The following TEX11 variants were observed in gnomAD, a reference collection of about 807,000 sequenced individuals.
TEX11 encodes testis expressed 11, also known as testis-expressed protein 11.
Under a neutral mutation model 84.4 loss-of-function variants are expected in TEX11, and 7 were observed. The observed-to-expected ratio is 0.08, with a 90% CI of 0.05 to 0.16. The LOEUF (loss-of-function observed/expected upper bound fraction) is 0.16, where lower values mean the gene tolerates loss of function less well. Ranked by LOEUF, TEX11 falls within the 10% of genes least tolerant of loss-of-function variation. The pLI is 1.00. For missense variants in TEX11, 551 were observed against 660.5 expected, an observed-to-expected ratio of 0.83 and a Z score of 1.82; for synonymous variants, 264 against 222.8, an observed-to-expected ratio of 1.18 and a Z score of -1.64.
At chrX:70,593,144 A>G (rs762273512) in intron 24 of TEX11, among the ~76,000 whole-genome samples, 16 of 110,288 alleles carry the variant, frequency 1.5e-4, no homozygotes, top group Non-Finnish European at 2.8e-4. Context: ...CAAGACTAAC[A>G]GCTGGATGTG....
At chrX:70,757,363 G>A (rs1419257727) in intron 9 of TEX11, among the ~76,000 whole-genome samples, 1 of 111,410 alleles carries the variant, frequency 9.0e-6, no homozygotes, top group Non-Finnish European at 1.9e-5. Context: ...ATTAAGGGCA[G>A]CCAGAAAGAA....
chrX:70,516,292 T>A, the TEX11 span, among the ~76,000 whole-genome samples: 1 of 112,153 alleles, frequency 8.9e-6, no homozygotes, highest in African/African-American at 3.2e-5. Context: ...TTGAATTAAT[T>A]TTATATAAGG....
intron 9 of TEX11, among the ~76,000 whole-genome samples, chrX:70,781,212 A>G (rs886447534): frequency 1.8e-5 from 2 of 112,085 alleles, no homozygotes; most frequent in Admixed American, 1.9e-4. Flanking sequence ...ACAGACCTGC[A>G]GCTGAGGGAC....
intron 25 of TEX11, among the ~76,000 whole-genome samples, chrX:70,561,751 T>C (rs913454893): frequency 1.8e-5 from 2 of 111,915 alleles, no homozygotes; most frequent in African/African-American, 6.5e-5. Flanking sequence ...TATATGCATG[T>C]CTATTTGCAT....
intron 13 of TEX11, among the ~76,000 whole-genome samples, chrX:70,699,347 C>G (rs1234733572): frequency 9.0e-6 from 1 of 111,526 alleles, no homozygotes; most frequent in Non-Finnish European, 1.9e-5. Context: ...CCCACAGCAC[C>G]ATGAGATAAT....
chrX:70,759,646 C>G (rs1368136439), intron 9 of TEX11, among the ~76,000 whole-genome samples: 1 of 111,652 alleles, frequency 9.0e-6, no homozygotes, highest in Non-Finnish European at 1.9e-5. Context: ...GACGAACCCA[C>G]AGCCAATATC....
chrX:70,629,870 G>T, intron 17 of TEX11, 135 bp from the exon 18 acceptor site: 1 of 520,398 alleles, frequency 1.9e-6, no homozygotes, highest in Non-Finnish European at 2.9e-6. Flanking sequence ...ATAAAGTAAT[G>T]TGAGTTGCTA....
intron 4 of TEX11, among the ~76,000 whole-genome samples, chrX:70,863,498 A>C (rs979654067): frequency 1.3e-4 from 15 of 111,580 alleles, no homozygotes; most frequent in Admixed American, 2.9e-4. Flanking sequence ...CTCTTAGAAG[A>C]AAAACTAACA....
At chrX:70,669,457 AG>A (rs1156338936) in intron 16 of TEX11, among the ~76,000 whole-genome samples, 15 of 112,620 alleles carry the variant, frequency 1.3e-4, no homozygotes, top group African/African-American at 4.8e-4. Flanking sequence ...CTTAAACTGT[AG>A]GTAACTATTT....
intron 9 of TEX11, among the ~76,000 whole-genome samples, chrX:70,799,429 T>C (rs968545130): frequency 3.3e-4 from 37 of 112,212 alleles, no homozygotes; most frequent in Middle Eastern, 4.6e-3. Context: ...TGAAGGACAC[T>C]GGTGAAGCTT....
chrX:70,675,854 TC>T (rs1371077421), intron 15 of TEX11, among the ~76,000 whole-genome samples: 3 of 111,576 alleles, frequency 2.7e-5, no homozygotes, highest in African/African-American at 9.8e-5. Flanking sequence ...GGTCTCGAAC[TC>T]CTGACCTTAA....
At chrX:70,877,015 C>T (rs752693320) in intron 3 of TEX11, among the ~76,000 whole-genome samples, 13 of 111,644 alleles carry the variant, frequency 1.2e-4, no homozygotes, top group Non-Finnish European at 2.3e-4. Flanking sequence ...GATTTACCAC[C>T]GGGCACAGTG....
chrX:70,744,125 T>C lies in TEX11; in HGVS notation c.747+40A>G, dbSNP rs1043342545. The C allele has an allele frequency of 1.2e-5, 11 of 880,509 alleles. 1 individual carries two copies. The highest frequency in any genetic ancestry group is 1.0e-4 in the African/African-American group (5 of 47,706). The allele number at this position is 880,509 out of a possible 1,213,427, so 72.6% of individuals were successfully genotyped here. A position where few individuals can be genotyped will look rare whatever the true frequency, so the allele number is the denominator to read the frequency against. The stretch of plus-strand genomic sequence containing the variant: ...TTTTATAACAATAAAATAAAGCAGG[T>C]TATTCAACCTATTTCTACAATATTT... On this transcript the variant is annotated intron_variant, in intron 10 of 29. Transcript: ENST00000374333.
intron 8 of TEX11, among the ~76,000 whole-genome samples, chrX:70,825,627 A>G (rs368894509): frequency 1.8e-5 from 2 of 112,058 alleles, no homozygotes; most frequent in East Asian, 5.6e-4. Flanking sequence ...ACATTCTTAA[A>G]GGATCTTTTT....
At chrX:70,908,034 T>C (rs1283936944) in intron 1 of TEX11, among the ~76,000 whole-genome samples, 1 of 111,171 alleles carries the variant, frequency 9.0e-6, no homozygotes, top group Non-Finnish European at 1.9e-5. Context: ...ACGGGGGAAA[T>C]GGAGCTGAGT....
intron 2 of TEX11, among the ~76,000 whole-genome samples, chrX:70,884,975 C>T (rs966960483): frequency 1.8e-5 from 2 of 111,475 alleles, no homozygotes; most frequent in African/African-American, 6.5e-5. Context: ...ATATATCTCT[C>T]TAGTTTTGAG....
chrX:70,556,984 G>A (rs991189508), intron 25 of TEX11, among the ~76,000 whole-genome samples: 3 of 108,988 alleles, frequency 2.8e-5, no homozygotes, highest in Non-Finnish European at 5.7e-5. Context: ...ATTTATTAGA[G>A]ACAAGGTCTC....
chrX:70,613,746 C>T (rs889971001), intron 20 of TEX11, among the ~76,000 whole-genome samples: 8 of 111,541 alleles, frequency 7.2e-5, no homozygotes, highest in Admixed American at 4.7e-4. Flanking sequence ...CCTCCCCAAC[C>T]CTGGGTAGCA....
rs185600259 is a variant in TEX11, at chrX:70,594,012, C to T, written c.2068-2189G>A. On this transcript the variant is annotated intron_variant, in intron 24 of 29. Coordinates refer to ENST00000374333, the MANE Select transcript of TEX11 (RefSeq NM_031276.3). ...TTTTGATGAAAAACAATAATCTACA[C>T]ACTCAAGAAGCCCAAAAAACTCTAG... 4.8e-3 allele frequency among the ~76,000 whole-genome samples: 533 copies of T among 111,325 alleles called. 5 individuals carry two copies. Among genetic ancestry groups the T allele is most frequent in the Non-Finnish European group, 7.2e-3 (380 of 53,010 alleles).
Sources: allele counts gnomAD v4.1 joint callset (sites outside exome capture counted in the v4.1 genomes callset), GRCh38; gene constraint gnomAD v4.1.1; transcripts MANE v1.5; gene names NCBI Gene and HGNC (gene_info 2026-07-23, HGNC 2026-07-21).